The following LONP2 variants were observed in gnomAD, a reference collection of about 807,000 sequenced individuals.
LONP2 encodes lon protease homolog 2, peroxisomal.
LONP2 carries 60 observed loss-of-function variants against 85.6 expected under a neutral mutation model. The observed-to-expected ratio is 0.70, with a 90% CI of 0.57 to 0.87. The LOEUF is 0.87. LONP2 is among the 40% of genes least tolerant of loss of function. The pLI is 0.00. For synonymous variants in LONP2, 395 were observed against 389.7 expected, an observed-to-expected ratio of 1.01 and a Z score of -0.16; for missense variants, 860 against 1,063.5, an observed-to-expected ratio of 0.81 and a Z score of 2.66.
At chr16:48,264,276 C>T (rs1163552350) in intron 6 of LONP2, among the ~76,000 whole-genome samples, 2 of 152,298 alleles carry the variant, frequency 1.3e-5, no homozygotes, top group East Asian at 3.9e-4. Flanking sequence ...GTCTATCTCA[C>T]CTCTGCAATC....
rs1972068046 is a variant in LONP2 at position 48,269,961 on chromosome 16, T to A, written c.983-55T>A. 9 of 1,550,396 alleles carry A rather than the reference T, an allele frequency of 5.8e-6. No homozygotes were observed. The South Asian group carries it at 1.1e-4, about 19-fold the overall frequency. On this transcript the variant is annotated intron_variant, in intron 6 of 14. Transcript: ENST00000285737. ...TGCCCTCGTCATGCTTGAAAGGAGT[T>A]CTTTAACTTAAAAATTTTATGTGTT...
rs1960328513 is a variant in LONP2, at chr16:48,355,859, C to T, written c.*4057C>T. On this transcript the variant is annotated 3_prime_UTR_variant, in exon 15 of 15. Transcript: ENST00000285737. Reference sequence around the variant, plus strand: ...TTAACTCTAGAAATTTTAGTTTAAACTAGACTTAGGGATATGTGTATTTTA... The same window carrying T: ...TTAACTCTAGAAATTTTAGTTTAAATTAGACTTAGGGATATGTGTATTTTA... 1.3e-5 allele frequency: 2 copies of T among 152,132 alleles called. No homozygotes were observed. Among genetic ancestry groups the T allele is most frequent in the East Asian group, 1.9e-4 (1 of 5,196 alleles). The allele number at this position is 152,132 out of a possible 1,614,324, so 9.4% of individuals were successfully genotyped here.
intron 3 of LONP2, among the ~76,000 whole-genome samples, chr16:48,258,110 G>T (rs925119132): frequency 6.6e-6 from 1 of 152,118 alleles, no homozygotes; most frequent in Non-Finnish European, 1.5e-5. Context: ...CACTTTGGGA[G>T]GCCGAGGTGG....
intron 12 of LONP2, 139 bp downstream of exon 12, chr16:48,334,497 G>A (rs1959577655): frequency 9.4e-7 from 1 of 1,066,598 alleles, no homozygotes; most frequent in Non-Finnish European, 1.4e-6. Flanking sequence ...TTGGGACGCA[G>A]GTTGTTGGTG....
intron 2 of LONP2, among the ~76,000 whole-genome samples, chr16:48,255,082 A>G (rs1163465333): frequency 2.0e-5 from 3 of 152,208 alleles, no homozygotes; most frequent in African/African-American, 7.2e-5. Flanking sequence ...ATTTGAACTG[A>G]CTAAATGAAG....
chr16:48,286,405 T>A (rs1261024317), intron 8 of LONP2, among the ~76,000 whole-genome samples: 4 of 152,112 alleles, frequency 2.6e-5, no homozygotes, highest in Non-Finnish European at 5.9e-5. Context: ...CCTCCCAAAG[T>A]GCTGAGATTA....
At chr16:48,259,672 G>C (rs1259242055) in intron 4 of LONP2, among the ~76,000 whole-genome samples, 2 of 152,204 alleles carry the variant, frequency 1.3e-5, no homozygotes, top group Non-Finnish European at 2.9e-5. Flanking sequence ...TCCCCGGTGG[G>C]ACTAGAGAAG....
At chr16:48,288,099 G>A (rs980686537) in intron 8 of LONP2, among the ~76,000 whole-genome samples, 1 of 150,916 alleles carries the variant, frequency 6.6e-6, no homozygotes, top group Non-Finnish European at 1.5e-5. Flanking sequence ...TTTGTTGTCT[G>A]CACCAGTAGT....
At chr16:48,316,323 CTTTTTTT>C (rs776343152) in intron 11 of LONP2, among the ~76,000 whole-genome samples, 4 of 106,008 alleles carry the variant, frequency 3.8e-5, no homozygotes, top group Non-Finnish European at 5.7e-5. Flanking sequence ...CCATTGGATT[CTTTTTTT>C]TTTTTTTTTT....
At chr16:48,331,809 G>C (rs561204290) in intron 11 of LONP2, among the ~76,000 whole-genome samples, 2 of 151,958 alleles carry the variant, frequency 1.3e-5, no homozygotes, top group Non-Finnish European at 2.9e-5. Flanking sequence ...CGTGATCCAC[G>C]CGCCTCGGCC....
In LONP2 at chr16:48,296,084, G is replaced by A; in HGVS notation, c.1453G>A (p.Val485Ile). The change falls in exon 9 of 15, where the codon GTT (valine) becomes ATT (isoleucine). Residue 485 changes from valine (V) to isoleucine (I), a missense_variant. Val to Ile is a conservative substitution (Grantham distance 29, BLOSUM62 3). Around this residue, in one of 3 missense-constraint regions of LONP2, gnomAD observed 743 missense variants for 917.3 expected, o/e 0.81. Transcript: ENST00000285737. Reference protein sequence around the residue: ...YLNVAFDLSQVLFIATANTTA... With the variant: ...YLNVAFDLSQILFIATANTTA... ...AAATGTGGCCTTTGACCTTTCTCAA[G>A]TTCTTTTTATAGCTACTGCCAACAC... 6.2e-7 allele frequency: 1 copy of A among 1,614,122 alleles called. No homozygotes were observed. The highest frequency in any genetic ancestry group is 1.1e-5 in the South Asian group (1 of 91,088).
Position 48,316,049 on chromosome 16 carries a change from C to T in LONP2, c.1795+12744C>T, listed in dbSNP as rs1973135308. On this transcript the variant is annotated intron_variant, in intron 11 of 14. Transcript: ENST00000285737. ...TTAAGACAGAGTCTCACTCTGTCACCCAGGCTAAAGTGCAGTGGCACGATT... is the reference window on the plus strand; with the variant it reads ...TTAAGACAGAGTCTCACTCTGTCACTCAGGCTAAAGTGCAGTGGCACGATT... 2.7e-5 allele frequency among the ~76,000 whole-genome samples: 4 copies of T among 150,728 alleles called. No homozygotes were observed. In the South Asian group the frequency reaches 8.4e-4, roughly 32 times the overall value.
chr16:48,276,001 G>T (rs1196830488), intron 7 of LONP2, among the ~76,000 whole-genome samples: 1 of 152,122 alleles, frequency 6.6e-6, no homozygotes, highest in Non-Finnish European at 1.5e-5. Context: ...AGCAAAAAAT[G>T]ACCCATTAGA....
At chr16:48,310,204 A>G (rs979427739) in intron 11 of LONP2, among the ~76,000 whole-genome samples, 5 of 151,934 alleles carry the variant, frequency 3.3e-5, no homozygotes, top group African/African-American at 4.8e-5. Flanking sequence ...AGTAAGGCAA[A>G]TTTCTTGTAA....
In LONP2 at chr16:48,259,542, C is replaced by T. The variant is rs551632140; in HGVS notation, c.723+802C>T. On this transcript the variant is annotated intron_variant, in intron 4 of 14. Transcript: ENST00000285737. Reference sequence around the variant, plus strand: ...TTTCTCTGAAGGTGTTGAGATGCAGCGCTCTGACTTAAGTTGAGGCGTTGA... The same window carrying T: ...TTTCTCTGAAGGTGTTGAGATGCAGTGCTCTGACTTAAGTTGAGGCGTTGA... Among the ~76,000 whole-genome samples, 22 of 152,264 alleles carry T rather than the reference C, an allele frequency of 1.4e-4. No individual in the cohort carries two copies. The East Asian group carries it at 2.9e-3, about 20-fold the overall frequency.
chr16:48,300,654 T>C (rs796846577), intron 10 of LONP2, among the ~76,000 whole-genome samples: 6 of 152,264 alleles, frequency 3.9e-5, no homozygotes, highest in Non-Finnish European at 7.3e-5. Context: ...TGCCTTCTTA[T>C]GGATCTATTT....
At chr16:48,335,580 T>C in intron 12 of LONP2, among the ~76,000 whole-genome samples, 1 of 152,232 alleles carries the variant, frequency 6.6e-6, no homozygotes, top group East Asian at 1.9e-4. Context: ...ATCACCTCCT[T>C]ATCAGTTTAA....
At chr16:48,290,075 T>G (rs1034581680) in intron 8 of LONP2, among the ~76,000 whole-genome samples, 4 of 152,180 alleles carry the variant, frequency 2.6e-5, no homozygotes, top group African/African-American at 9.7e-5. Context: ...CTAGAATATT[T>G]TCGTTTCTTT....
intron 14 of LONP2, among the ~76,000 whole-genome samples, chr16:48,348,674 C>T (rs1348255164): frequency 6.6e-6 from 1 of 151,804 alleles, no homozygotes; most frequent in Admixed American, 6.6e-5. Flanking sequence ...TTTTATTTTG[C>T]GTAGAGACAG....
Sources: allele counts gnomAD v4.1 joint callset (sites outside exome capture counted in the v4.1 genomes callset), GRCh38; gene constraint gnomAD v4.1.1; regional missense constraint gnomAD v4.1.1; transcripts MANE v1.5; gene names NCBI Gene and HGNC (gene_info 2026-07-23, HGNC 2026-07-21).